RAP1A: variants seen among roughly 807,000 people sequenced by gnomAD.
The protein encoded by RAP1A is ras-related protein Rap-1A.
A neutral mutation model predicts 26.4 loss-of-function variants in RAP1A; 6 were observed. That is an observed-to-expected ratio of 0.23 (90% CI 0.12 to 0.45). The LOEUF is 0.45. Ranked by LOEUF, RAP1A falls within the 20% of genes least tolerant of loss-of-function variation. The pLI is 0.99. For synonymous variants in RAP1A, 73 were observed against 79.4 expected (o/e 0.92, Z 0.43); for missense variants, 121 against 217.2 (o/e 0.56, Z 2.78).
chr1:111,694,784 C>T (rs1229260147), intron 2 of RAP1A, among the ~76,000 whole-genome samples: 5 of 152,132 alleles, frequency 3.3e-5, no homozygotes, highest in African/African-American at 7.2e-5. Context: ...GTTTAAATTT[C>T]CCTTTCTCTT....
chr1:111,647,074 G>A (rs1336183324), intron 1 of RAP1A, among the ~76,000 whole-genome samples: 1 of 152,136 alleles, frequency 6.6e-6, no homozygotes, highest in Non-Finnish European at 1.5e-5. Flanking sequence ...GTTAGTAAAG[G>A]TCCATGGCCT....
chr1:111,686,083 A>G (rs1226037647), intron 1 of RAP1A, among the ~76,000 whole-genome samples: 1 of 138,896 alleles, frequency 7.2e-6, no homozygotes, highest in East Asian at 2.5e-4. Flanking sequence ...GTGAGAACAC[A>G]TGGACATAGG....
rs116441727 is a variant in RAP1A at position 111,611,244 on chromosome 1, T to C, written c.-28+68735T>C. The stretch of plus-strand genomic sequence containing the variant: ...TTTTGTAAAAGTTTGCCCAAATTTC[T>C]CACTGGAAATTTTGTGCTTAGGATG... On this transcript the variant is annotated intron_variant, in intron 1 of 7. Coordinates refer to the RAP1A transcript ENST00000356415. 5.9e-3 allele frequency among the ~76,000 whole-genome samples: 903 copies of C among 152,358 alleles called. 5 individuals are homozygous for C. The highest frequency in any genetic ancestry group is 7.2e-3 in the Non-Finnish European group (488 of 68,034).
intron 6 of RAP1A, 96 bp downstream of exon 6, chr1:111,704,582 C>A: frequency 1.6e-6 from 2 of 1,262,868 alleles, no homozygotes; most frequent in Non-Finnish European, 2.1e-6. Context: ...ATCTTTTAAG[C>A]AATCTTGATT....
intron 1 of RAP1A, among the ~76,000 whole-genome samples, chr1:111,556,959 A>C (rs1249582481): frequency 1.3e-5 from 2 of 152,116 alleles, no homozygotes; most frequent in Admixed American, 1.3e-4. Context: ...GGGGAAAAAT[A>C]ATGGTTGAGA....
chr1:111,617,338 A>AT (rs1345435398), upstream of RAP1A, among the ~76,000 whole-genome samples: 3 of 151,972 alleles, frequency 2.0e-5, no homozygotes, highest in African/African-American at 7.3e-5. Flanking sequence ...CCTTACTCCT[A>AT]TCCTAGGCCA....
intron 4 of RAP1A, among the ~76,000 whole-genome samples, chr1:111,699,479 T>TTTTTTTTTTTG (rs374442188): frequency 5.8e-5 from 8 of 139,116 alleles, no homozygotes; most frequent in Non-Finnish European, 1.1e-4. Flanking sequence ...TTTTTTTTTT[T>TTTTTTTTTTTG]GAAACAGGGT....
chr1:111,617,269 A>C (rs1659031362), upstream of RAP1A, among the ~76,000 whole-genome samples: 1 of 152,158 alleles, frequency 6.6e-6, no homozygotes, highest in South Asian at 2.1e-4. Context: ...TGTCTAATCT[A>C]TCTGCTTCTG....
At chr1:111,611,648 C>T (rs549417139) in intron 1 of RAP1A, among the ~76,000 whole-genome samples, 11 of 152,236 alleles carry the variant, frequency 7.2e-5, no homozygotes, top group South Asian at 6.2e-4. Context: ...CCTAATTTTA[C>T]GCACAAGGGA....
intron 1 of RAP1A, among the ~76,000 whole-genome samples, chr1:111,670,860 C>T (rs1453948279): frequency 6.6e-6 from 1 of 152,156 alleles, no homozygotes; most frequent in Non-Finnish European, 1.5e-5. Context: ...AATAGTATAT[C>T]AAGTCTATCA....
chr1:111,709,178 T>C lies in RAP1A; in HGVS notation c.498T>C (p.Asn166=), dbSNP rs1380106459. 10 of 1,613,460 alleles carry C rather than the reference T, an allele frequency of 6.2e-6. No homozygotes were observed. The highest frequency in any genetic ancestry group is 8.5e-6 in the Non-Finnish European group (10 of 1,179,834). ...EIFYDLVRQI[N]RKTPVEKKKP... is the part of the protein sequence containing the mutation. ...TTTATGACCTGGTCAGACAGATAAA[T>C]AGGAAAACACCAGTGGAAAAGAAGA... is the stretch of plus-strand genomic sequence containing the variant. Residue 166 remains asparagine (N), a synonymous_variant, in exon 7 of 8, where the codon AAT becomes AAC. Coordinates refer to ENST00000369709, the MANE Select transcript of RAP1A (RefSeq NM_002884.4).
At chr1:111,563,812 C>A in intron 1 of RAP1A, 1 of 1,564,328 alleles carries the variant, frequency 6.4e-7, no homozygotes, top group Non-Finnish European at 8.8e-7. Flanking sequence ...CCAACCTCTG[C>A]CTCCCAGCAG....
At chr1:111,619,347 C>A (rs1259019117), upstream of RAP1A, among the ~76,000 whole-genome samples, 1 of 152,202 alleles carries the variant, frequency 6.6e-6, no homozygotes, top group Non-Finnish European at 1.5e-5. Flanking sequence ...TCACTACCTG[C>A]AATTTTTGTC....
At chr1:111,579,771 T>C (rs1417578053) in intron 1 of RAP1A, among the ~76,000 whole-genome samples, 3 of 151,798 alleles carry the variant, frequency 2.0e-5, no homozygotes, top group Non-Finnish European at 4.4e-5. Flanking sequence ...TATTTTAAAA[T>C]AAAGTGTTGA....
chr1:111,558,460 T>G (rs1657597281), intron 1 of RAP1A, among the ~76,000 whole-genome samples: 1 of 152,146 alleles, frequency 6.6e-6, no homozygotes, highest in Non-Finnish European at 1.5e-5. Context: ...GTGCTGGGAC[T>G]ACAGGCATAA....
chr1:111,652,613 A>G (rs1660309910), intron 1 of RAP1A, among the ~76,000 whole-genome samples: 1 of 152,158 alleles, frequency 6.6e-6, no homozygotes, highest in Admixed American at 6.5e-5. Context: ...TATATATCAT[A>G]TAAAATATAA....
intron 1 of RAP1A, among the ~76,000 whole-genome samples, chr1:111,629,854 A>G (rs1449077051): frequency 6.6e-6 from 1 of 152,186 alleles, no homozygotes; most frequent in Non-Finnish European, 1.5e-5. Flanking sequence ...TAATGTCTAC[A>G]AACTATAAGA....
chr1:111,658,380 A>G (rs1041533561), intron 1 of RAP1A, among the ~76,000 whole-genome samples: 1 of 152,168 alleles, frequency 6.6e-6, no homozygotes, highest in Non-Finnish European at 1.5e-5. Context: ...TAAATCATTC[A>G]ATTCAACCTT....
intron 1 of RAP1A, among the ~76,000 whole-genome samples, chr1:111,554,365 G>A (rs558307703): frequency 3.7e-4 from 56 of 152,254 alleles, no homozygotes; most frequent in African/African-American, 1.3e-3. Context: ...TCTTTTGTTT[G>A]ACAAAAAATA....
Sources: gnomAD v4.1 joint callset for allele counts (sites outside exome capture counted in the v4.1 genomes callset) on GRCh38, gnomAD v4.1.1 for gene constraint, MANE v1.5 for transcripts, NCBI Gene and HGNC (gene_info 2026-07-23, HGNC 2026-07-21) for gene names.